ABL2: variants seen among roughly 807,000 people sequenced by gnomAD.
The protein encoded by ABL2 is ABL proto-oncogene 2, non-receptor tyrosine kinase, also known as tyrosine-protein kinase ABL2.
ABL2 carries 49 observed loss-of-function variants against 107.7 expected under a neutral mutation model. The ratio of observed to expected loss-of-function variants is 0.45; its 90% CI spans 0.36 to 0.58. The LOEUF (loss-of-function observed/expected upper bound fraction) is 0.58. ABL2 is among the 20% of genes least tolerant of loss of function. The pLI is 0.00. For missense variants in ABL2, 1,245 were observed against 1,457.0 expected (o/e 0.85, Z 2.37); for synonymous variants, 549 against 548.6 (o/e 1.00, Z -0.01).
intron 1 of ABL2, among the ~76,000 whole-genome samples, chr1:179,207,305 C>T (rs1472690160): frequency 6.6e-6 from 1 of 151,886 alleles, no homozygotes; most frequent in Non-Finnish European, 1.5e-5. Context: ...AAGTGCTGGA[C>T]GTATCCAATC....
intron 6 of ABL2, among the ~76,000 whole-genome samples, chr1:179,119,176 C>A (rs1427907330): frequency 6.6e-6 from 1 of 152,128 alleles, no homozygotes; most frequent in Non-Finnish European, 1.5e-5. Context: ...ACCTGCAATA[C>A]TGCTTTGCAA....
intron 2 of ABL2, among the ~76,000 whole-genome samples, chr1:179,131,826 T>C (rs1471069165): frequency 6.6e-6 from 1 of 152,250 alleles, no homozygotes; most frequent in Non-Finnish European, 1.5e-5. Flanking sequence ...ACTAGCTTTA[T>C]AAAACATAGA....
At chr1:179,222,075 G>C (rs1241387286) in intron 1 of ABL2, 1 of 191,134 alleles carries the variant, frequency 5.2e-6, no homozygotes, top group Admixed American at 5.3e-5. Flanking sequence ...TTCTTCCAAG[G>C]AGATGATCAC....
intron 4 of ABL2, among the ~76,000 whole-genome samples, chr1:179,122,276 TAAAAAAAAAA>T (rs34338293): frequency 1.6e-5 from 2 of 126,800 alleles, no homozygotes; most frequent in African/African-American, 3.0e-5. Flanking sequence ...AGGCTATCTT[TAAAAAAAAAA>T]AAAAAAAAAA....
intron 1 of ABL2, among the ~76,000 whole-genome samples, chr1:179,136,364 AAG>A (rs1656978429): frequency 6.6e-6 from 1 of 152,076 alleles, no homozygotes; most frequent in East Asian, 1.9e-4. Flanking sequence ...GTTCTGTACT[AAG>A]AAAAATTCTT....
At chr1:179,193,488 T>A (rs1661133848) in intron 1 of ABL2, among the ~76,000 whole-genome samples, 1 of 149,142 alleles carries the variant, frequency 6.7e-6, no homozygotes, top group South Asian at 2.1e-4. Flanking sequence ...ACTTGCAACC[T>A]CTGCCTCCTG....
At chr1:179,146,474 T>C (rs888430922) in intron 1 of ABL2, among the ~76,000 whole-genome samples, 7 of 152,176 alleles carry the variant, frequency 4.6e-5, no homozygotes, top group African/African-American at 1.7e-4. Flanking sequence ...GTTTCAGGTT[T>C]AAAATTTTTT....
Position 179,106,043 on chromosome 1 carries a change from A to G in ABL2, c.*1675T>C. On this transcript the variant is annotated 3_prime_UTR_variant, in exon 12 of 12. Transcript: ENST00000502732. ...TGGTTTGACAGTGTATCAATGACAGAGCCAGAAGAAAACTCAGTGCTCAAT... is the reference window on the plus strand; with the variant it reads ...TGGTTTGACAGTGTATCAATGACAGGGCCAGAAGAAAACTCAGTGCTCAAT... The G allele has an allele frequency of 4.6e-6, 1 of 217,610 alleles. No homozygotes were observed. Among genetic ancestry groups the G allele is most frequent in the African/African-American group, 2.2e-5 (1 of 44,576 alleles). 13.5% of individuals were successfully genotyped at this position (217,610 alleles called of 1,614,324 possible).
chr1:179,110,888 C>A, intron 10 of ABL2: 1 of 1,612,270 alleles, frequency 6.2e-7, no homozygotes, highest in South Asian at 1.1e-5. Flanking sequence ...TTTATTAGGC[C>A]CTGCCAACCT....
intron 1 of ABL2, among the ~76,000 whole-genome samples, chr1:179,151,473 T>C (rs1256127260): frequency 6.6e-6 from 1 of 152,220 alleles, no homozygotes; most frequent in Non-Finnish European, 1.5e-5. Flanking sequence ...ATATAATTTA[T>C]ACATCCTGTT....
intron 1 of ABL2, among the ~76,000 whole-genome samples, chr1:179,172,864 C>G (rs1176620127): frequency 6.6e-6 from 1 of 152,116 alleles, no homozygotes; most frequent in African/African-American, 2.4e-5. Flanking sequence ...AACATAGATA[C>G]AGTAAGCCCT....
At chr1:179,129,364 T>C (rs1441561139) in intron 3 of ABL2, among the ~76,000 whole-genome samples, 1 of 152,194 alleles carries the variant, frequency 6.6e-6, no homozygotes, top group African/African-American at 2.4e-5. Flanking sequence ...TCAAGTATAT[T>C]GTAGTCCAAA....
intron 1 of ABL2, among the ~76,000 whole-genome samples, chr1:179,141,301 A>C (rs1657569442): frequency 6.6e-6 from 1 of 151,938 alleles, no homozygotes; most frequent in Non-Finnish European, 1.5e-5. Context: ...TAAGAAAAAA[A>C]AAAATTAGAT....
intron 1 of ABL2, among the ~76,000 whole-genome samples, chr1:179,171,604 C>T (rs1194112542): frequency 6.6e-6 from 1 of 152,176 alleles, no homozygotes; most frequent in Non-Finnish European, 1.5e-5. Context: ...CTTACTGCAG[C>T]CTCAAACTCC....
intron 1 of ABL2, among the ~76,000 whole-genome samples, chr1:179,141,283 C>T (rs1657566318): frequency 6.6e-6 from 1 of 151,592 alleles, no homozygotes; most frequent in Admixed American, 6.6e-5. Flanking sequence ...AGAACAAAAC[C>T]CTGTCTTTAA....
At chr1:179,187,040 A>C (rs558389896) in intron 1 of ABL2, among the ~76,000 whole-genome samples, 1 of 152,202 alleles carries the variant, frequency 6.6e-6, no homozygotes, top group East Asian at 1.9e-4. Context: ...CCCCATTACC[A>C]TTTATAGTGT....
chr1:179,114,854 A>T, intron 9 of ABL2, 24 bp downstream of exon 9: 3 of 1,576,008 alleles, frequency 1.9e-6, no homozygotes, highest in Non-Finnish European at 2.6e-6. Context: ...TGCCTTCAAA[A>T]TTAAAACATG....
At chr1:179,195,180 C>T (rs2102829413) in intron 1 of ABL2, among the ~76,000 whole-genome samples, 2 of 152,186 alleles carry the variant, frequency 1.3e-5, no homozygotes, top group South Asian at 4.1e-4. Flanking sequence ...CCCAGCTACT[C>T]AAGAAGCTGA....
At chr1:179,184,587 G>T in intron 1 of ABL2, 1 of 558,704 alleles carries the variant, frequency 1.8e-6, no homozygotes, top group Admixed American at 2.7e-5. Context: ...AGGAGGAGGA[G>T]GAGGAAGAGG....
Sources: allele counts gnomAD v4.1 joint callset (sites outside exome capture counted in the v4.1 genomes callset), GRCh38; gene constraint gnomAD v4.1.1; transcripts MANE v1.5; gene names NCBI Gene and HGNC (gene_info 2026-07-23, HGNC 2026-07-21).